Variants in FAM135B observed in about 807,000 individuals in gnomAD.
The protein encoded by FAM135B is protein FAM135B.
A neutral mutation model predicts 127.7 loss-of-function variants in FAM135B; 43 were observed. The ratio of observed to expected loss-of-function variants is 0.34; its 90% CI spans 0.26 to 0.43. The LOEUF (loss-of-function observed/expected upper bound fraction) is 0.43. Ranked by LOEUF, FAM135B falls within the 20% of genes least tolerant of loss-of-function variation. The probability of loss-of-function intolerance (pLI) is 1.00; values close to 1 mark genes in which losing one functional copy is unlikely to be tolerated. For synonymous variants in FAM135B, 670 were observed against 665.1 expected (o/e 1.01, Z -0.11); for missense variants, 1,558 against 1,725.6 (o/e 0.90, Z 1.72).
At chr8:138,441,661 G>A (rs1835773469) in intron 1 of FAM135B, 1 of 151,796 alleles carries the variant, frequency 6.6e-6, no homozygotes, top group Non-Finnish European at 1.5e-5. Flanking sequence ...ATGCCTGCAA[G>A]TATGTTCTCT....
chr8:138,482,239 T>C (rs912818625), intron 1 of FAM135B, among the ~76,000 whole-genome samples: 14 of 152,168 alleles, frequency 9.2e-5, no homozygotes, highest in Admixed American at 8.5e-4. Context: ...CCATAGGGTA[T>C]CTGCATGGGG....
intron 7 of FAM135B, among the ~76,000 whole-genome samples, chr8:138,238,821 G>C (rs1454266556): frequency 6.6e-6 from 1 of 152,146 alleles, no homozygotes; most frequent in Non-Finnish European, 1.5e-5. Context: ...GAAGGCACAG[G>C]GTGGGTGCAC....
chr8:138,186,538 G>A (rs6984834), intron 9 of FAM135B, among the ~76,000 whole-genome samples: 4,794 of 152,172 alleles, frequency 0.032, 252 homozygotes, highest in African/African-American at 0.11. Context: ...TTTGGGAAGC[G>A]GGTGTTGTTT....
chr8:138,239,258 G>T (rs184700860), intron 7 of FAM135B, among the ~76,000 whole-genome samples: 1 of 152,286 alleles, frequency 6.6e-6, no homozygotes, highest in East Asian at 1.9e-4. Context: ...AATTCTAACT[G>T]GTGTGAGATG....
chr8:138,134,628 A>C (rs1816477704), intron 19 of FAM135B, among the ~76,000 whole-genome samples: 1 of 152,122 alleles, frequency 6.6e-6, no homozygotes, highest in South Asian at 2.1e-4. Flanking sequence ...GAAGTCAGAG[A>C]GGTTGAGAGG....
chr8:138,170,279 A>G (rs900545087), intron 11 of FAM135B, among the ~76,000 whole-genome samples: 15 of 145,408 alleles, frequency 1.0e-4, no homozygotes, highest in Non-Finnish European at 1.9e-4. Flanking sequence ...CTGGAGTGCA[A>G]TGGCACAATC....
At chr8:138,171,824 A>G (rs1235776604) in intron 11 of FAM135B, among the ~76,000 whole-genome samples, 1 of 152,124 alleles carries the variant, frequency 6.6e-6, no homozygotes, top group Non-Finnish European at 1.5e-5. Context: ...GTTTCTTTAC[A>G]TGTGTGGTGT....
intron 9 of FAM135B, among the ~76,000 whole-genome samples, chr8:138,190,467 C>T (rs1369096081): frequency 6.6e-6 from 1 of 152,194 alleles, no homozygotes; most frequent in Non-Finnish European, 1.5e-5. Flanking sequence ...AAAATACCAA[C>T]ACAACAGACA....
At chr8:138,158,311 T>G (rs1459897148) in intron 12 of FAM135B, among the ~76,000 whole-genome samples, 2 of 152,164 alleles carry the variant, frequency 1.3e-5, no homozygotes, top group Non-Finnish European at 1.5e-5. Context: ...CAAGATGGAT[T>G]AAAGACTTAA....
At chr8:138,150,666 CAATAAATA>C (rs71316324) in intron 13 of FAM135B, among the ~76,000 whole-genome samples, 14 of 44,776 alleles carry the variant, frequency 3.1e-4, no homozygotes, top group Non-Finnish European at 6.8e-4. Flanking sequence ...GACTCTGTCT[CAATAAATA>C]AATAAATAAA....
At chr8:138,308,586 C>T (rs1826434105) in intron 3 of FAM135B, among the ~76,000 whole-genome samples, 1 of 152,064 alleles carries the variant, frequency 6.6e-6, no homozygotes, top group Non-Finnish European at 1.5e-5. Flanking sequence ...ATACCAACTT[C>T]ATCATAATTA....
chr8:138,205,223 C>G (rs1263534697), intron 7 of FAM135B, among the ~76,000 whole-genome samples: 1 of 152,172 alleles, frequency 6.6e-6, no homozygotes, highest in Non-Finnish European at 1.5e-5. Context: ...AGTACTCACA[C>G]CCATTTTGGA....
chr8:138,269,637 T>C (rs914583922), intron 3 of FAM135B, among the ~76,000 whole-genome samples: 12 of 152,174 alleles, frequency 7.9e-5, no homozygotes, highest in East Asian at 1.9e-4. Flanking sequence ...TTTCATATGG[T>C]TTAGAAAATG....
chr8:138,319,980 A>T (rs1294304115), intron 2 of FAM135B, among the ~76,000 whole-genome samples: 1 of 152,184 alleles, frequency 6.6e-6, no homozygotes, highest in African/African-American at 2.4e-5. Context: ...GCCATTGCTG[A>T]TCACCAGCCA....
intron 7 of FAM135B, among the ~76,000 whole-genome samples, chr8:138,223,402 T>C (rs1039641319): frequency 2.0e-5 from 3 of 152,146 alleles, no homozygotes; most frequent in Admixed American, 2.0e-4. Flanking sequence ...AAAAAGATAT[T>C]TGGGTCCCAA....
At chr8:138,489,754 C>G (rs1815128991) in intron 1 of FAM135B, among the ~76,000 whole-genome samples, 1 of 152,170 alleles carries the variant, frequency 6.6e-6, no homozygotes, top group South Asian at 2.1e-4. Flanking sequence ...ATCCTACTGC[C>G]TGCAATACTC....
chr8:138,172,842 T>A (rs1820584643), intron 11 of FAM135B, among the ~76,000 whole-genome samples: 1 of 152,196 alleles, frequency 6.6e-6, no homozygotes, highest in Non-Finnish European at 1.5e-5. Flanking sequence ...GAACTCTGCC[T>A]TTGCCTTTTC....
At chr8:138,166,858 G>A (rs1403028532) in intron 12 of FAM135B, among the ~76,000 whole-genome samples, 1 of 152,096 alleles carries the variant, frequency 6.6e-6, no homozygotes, top group Non-Finnish European at 1.5e-5. Flanking sequence ...CCAACCTGTA[G>A]TTCACAATCA....
rs902849602 is a variant in FAM135B at position 138,202,310 on chromosome 8, C to T, written c.670-4641G>A. 4.0e-5 allele frequency among the ~76,000 whole-genome samples: 6 copies of T among 151,690 alleles called. 1 individual carries two copies. Among genetic ancestry groups the T allele is most frequent in the Admixed American group, 1.3e-4 (2 of 15,218 alleles). ...TGTTACCCAGGTTGGAGTACAGTGG[C>T]GCAATCATGGCTCATTGCAGCCTCG... On this transcript the variant is annotated intron_variant, in intron 7 of 19. Coordinates refer to ENST00000395297, the MANE Select transcript of FAM135B (RefSeq NM_015912.4).
Sources: gnomAD v4.1 joint callset for allele counts (sites outside exome capture counted in the v4.1 genomes callset) on GRCh38, gnomAD v4.1.1 for gene constraint, MANE v1.5 for transcripts, NCBI Gene and HGNC (gene_info 2026-07-23, HGNC 2026-07-21) for gene names.